MAN2A1: variants seen among roughly 807,000 people sequenced by gnomAD.
The protein encoded by MAN2A1 is mannosidase alpha class 2A member 1, also known as alpha-mannosidase 2.
In MAN2A1, 76 loss-of-function variants were observed where a neutral mutation model predicts 142.6. The ratio of observed to expected loss-of-function variants is 0.53; its 90% CI spans 0.44 to 0.65. The LOEUF is 0.65. Among genes scored for constraint, MAN2A1 ranks in the 30% least tolerant of loss-of-function variants. The pLI, the probability that MAN2A1 is intolerant of heterozygous loss-of-function variation, is 0.00. For synonymous variants in MAN2A1, 559 were observed against 473.2 expected, an observed-to-expected ratio of 1.18 and a Z score of -2.35; for missense variants, 1,311 against 1,365.1, an observed-to-expected ratio of 0.96 and a Z score of 0.62.
At chr5:109,695,541 C>G (rs1329569725) in intron 1 of MAN2A1, among the ~76,000 whole-genome samples, 1 of 152,116 alleles carries the variant, frequency 6.6e-6, no homozygotes, top group Admixed American at 6.6e-5. Flanking sequence ...TTATTCTTAG[C>G]TTTTTTTGCA....
intron 10 of MAN2A1, among the ~76,000 whole-genome samples, chr5:109,787,367 A>AT (rs1462128377): frequency 6.6e-6 from 1 of 151,916 alleles, no homozygotes; most frequent in African/African-American, 2.4e-5. Context: ...TTCCCAAGTG[A>AT]TTTTTCCCGA....
chr5:109,760,607 C>G lies in MAN2A1; in HGVS notation c.835+5151C>G, dbSNP rs952918461. ...TATACTCCCACCAACAATGTAAAAG[C>G]ATTCCTATTTCTCCACATCCTGTCC... On this transcript the variant is annotated intron_variant, in intron 5 of 21. Coordinates refer to ENST00000261483, the MANE Select transcript of MAN2A1 (RefSeq NM_002372.4). Among the ~76,000 whole-genome samples, 3 of 152,264 alleles carry G rather than the reference C, an allele frequency of 2.0e-5. No homozygotes were observed. In the South Asian group the frequency reaches 6.2e-4, roughly 32 times the overall value.
chr5:109,752,231 C>T (rs1405669408), intron 4 of MAN2A1, among the ~76,000 whole-genome samples: 2 of 152,184 alleles, frequency 1.3e-5, no homozygotes, highest in Non-Finnish European at 2.9e-5. Flanking sequence ...CTACCATGTT[C>T]TAGATCATAT....
chr5:109,857,933 G>A (rs949700072), intron 20 of MAN2A1, among the ~76,000 whole-genome samples: 4 of 152,160 alleles, frequency 2.6e-5, no homozygotes, highest in Admixed American at 1.3e-4. Flanking sequence ...CTAATGTCAC[G>A]TATTGCTGTG....
chr5:109,849,669 C>T (rs779886115), intron 19 of MAN2A1, among the ~76,000 whole-genome samples: 2 of 151,932 alleles, frequency 1.3e-5, no homozygotes, highest in South Asian at 2.1e-4. Flanking sequence ...CTCTTTCTGC[C>T]GTATGTCTGT....
chr5:109,712,678 A>C (rs1751334703), intron 1 of MAN2A1, among the ~76,000 whole-genome samples: 1 of 152,204 alleles, frequency 6.6e-6, no homozygotes, highest in Admixed American at 6.5e-5. Context: ...GTTCAAAGAC[A>C]GGGGCCCGTA....
chr5:109,860,745 G>A (rs1420797911), intron 20 of MAN2A1, among the ~76,000 whole-genome samples: 1 of 152,132 alleles, frequency 6.6e-6, no homozygotes, highest in African/African-American at 2.4e-5. Context: ...TTTTCAGAAT[G>A]GCTCAAATCC....
chr5:109,823,356 G>A (rs1261657384), intron 15 of MAN2A1, among the ~76,000 whole-genome samples: 1 of 152,104 alleles, frequency 6.6e-6, no homozygotes, highest in Non-Finnish European at 1.5e-5. Flanking sequence ...AGGGGGCTGG[G>A]ACCATGGTTA....
chr5:109,700,165 G>C (rs1363816798), intron 1 of MAN2A1, among the ~76,000 whole-genome samples: 1 of 151,976 alleles, frequency 6.6e-6, no homozygotes, highest in Non-Finnish European at 1.5e-5. Flanking sequence ...GGAAATAGAA[G>C]TTATTGATTC....
intron 12 of MAN2A1, among the ~76,000 whole-genome samples, chr5:109,808,894 G>A (rs1436825984): frequency 2.0e-5 from 3 of 151,824 alleles, no homozygotes; most frequent in African/African-American, 7.3e-5. Context: ...GTAGAGACAG[G>A]ATGTCGCCAT....
In MAN2A1 at chr5:109,868,934, GA is replaced by G. The variant is rs1018927361; in HGVS notation, c.*1939del. The G allele has an allele frequency of 1.3e-5, 2 of 151,842 alleles. No individual in the cohort carries two copies. The highest frequency in any genetic ancestry group is 4.8e-5 in the African/African-American group (2 of 41,342). 9.4% of individuals were successfully genotyped at this position (151,842 alleles called of 1,614,324 possible). A position where few individuals can be genotyped will look rare whatever the true frequency, so the allele number is the denominator to read the frequency against. The stretch of plus-strand genomic sequence containing the variant: ...ATCATTCTCGAAATTGTGATCAGAT[GA>G]AATAAAAAAAAAATCTTGATGCAAT... On this transcript the variant is annotated 3_prime_UTR_variant, in exon 22 of 22. Coordinates refer to ENST00000261483, the MANE Select transcript of MAN2A1 (RefSeq NM_002372.4).
chr5:109,840,462 T>C, intron 16 of MAN2A1: 1 of 479,468 alleles, frequency 2.1e-6, no homozygotes, highest in South Asian at 1.6e-5. Flanking sequence ...CTGCAACCAC[T>C]GAAGTCATCA....
rs187759587 is a variant in MAN2A1 at position 109,752,989 on chromosome 5, A to G, written c.708-2340A>G. On this transcript the variant is annotated intron_variant, in intron 4 of 21. Coordinates refer to ENST00000261483, the MANE Select transcript of MAN2A1 (RefSeq NM_002372.4). ...TGTAAATTAAAACTAATATAGATGAAAAAAGTTCTATCATTGGAGTAAATT... is the reference window on the plus strand; with the variant it reads ...TGTAAATTAAAACTAATATAGATGAGAAAAGTTCTATCATTGGAGTAAATT... 3.6e-3 allele frequency among the ~76,000 whole-genome samples: 550 copies of G among 152,322 alleles called. 5 individuals are homozygous for G. The highest frequency in any genetic ancestry group is 0.013 in the African/African-American group (531 of 41,568).
intron 16 of MAN2A1, chr5:109,840,672 T>C: frequency 2.2e-6 from 1 of 445,264 alleles, no homozygotes; most frequent in Non-Finnish European, 4.3e-6. Context: ...ACAGCAACCT[T>C]CTCTGCTTTA....
chr5:109,774,500 A>T (rs189830913), intron 7 of MAN2A1, among the ~76,000 whole-genome samples: 1 of 152,236 alleles, frequency 6.6e-6, no homozygotes, highest in East Asian at 1.9e-4. Context: ...TTATATGCCA[A>T]GTTGGTACAT....
At chr5:109,738,500 G>T (rs969084297) in intron 4 of MAN2A1, among the ~76,000 whole-genome samples, 4 of 151,992 alleles carry the variant, frequency 2.6e-5, no homozygotes, top group African/African-American at 9.7e-5. Flanking sequence ...TTACTTGAAG[G>T]ACAGTCAGCT....
At position 109,867,194 on chromosome 5, in the gene MAN2A1, A is replaced by G. The variant is rs532578043; in HGVS notation, c.*196A>G. ...AAAAAAAAAAGCCATGCTATCAATC[A>G]AGATTCTTTTTTTTTAAACTTTCTC... is the stretch of plus-strand genomic sequence containing the variant. On this transcript the variant is annotated 3_prime_UTR_variant, in exon 22 of 22. Coordinates refer to ENST00000261483, the MANE Select transcript of MAN2A1 (RefSeq NM_002372.4). 5.8e-4 allele frequency: 225 copies of G among 389,158 alleles called. No homozygotes were observed. The highest frequency in any genetic ancestry group is 4.4e-3 in the African/African-American group (209 of 47,846). The allele number at this position is 389,158 out of a possible 1,614,324, so 24.1% of individuals were successfully genotyped here. A position where few individuals can be genotyped will look rare whatever the true frequency, so the allele number is the denominator to read the frequency against.
chr5:109,779,729 G>C (rs1468845818), intron 8 of MAN2A1, among the ~76,000 whole-genome samples: 2 of 151,998 alleles, frequency 1.3e-5, no homozygotes, highest in East Asian at 3.9e-4. Flanking sequence ...TTTCTGGTAG[G>C]TCCTATGATT....
intron 16 of MAN2A1, among the ~76,000 whole-genome samples, chr5:109,835,213 CA>C (rs901594726): frequency 6.6e-6 from 1 of 152,028 alleles, no homozygotes; most frequent in African/African-American, 2.4e-5. Context: ...GATTAAAATA[CA>C]AAACAAAATG....
Sources: gnomAD v4.1 joint callset for allele counts (sites outside exome capture counted in the v4.1 genomes callset) on GRCh38, gnomAD v4.1.1 for gene constraint, MANE v1.5 for transcripts, NCBI Gene and HGNC (gene_info 2026-07-23, HGNC 2026-07-21) for gene names.